Variants in LINGO2 observed in about 807,000 individuals in gnomAD.
LINGO2 encodes leucine-rich repeat and immunoglobulin-like domain-containing nogo receptor-interacting protein 2.
In LINGO2, 14 loss-of-function variants were observed where a neutral mutation model predicts 30.6. The observed-to-expected ratio is 0.46, with a 90% CI of 0.30 to 0.72. The LOEUF is 0.72. LINGO2 is among the 30% of genes least tolerant of loss of function. The pLI, the probability that LINGO2 is intolerant of heterozygous loss-of-function variation, is 0.07. For synonymous variants in LINGO2, 317 were observed against 288.5 expected (o/e 1.10, Z -1.00); for missense variants, 729 against 751.7 (o/e 0.97, Z 0.35).
At chr9:28,438,476 G>A (rs1348201696) in intron 2 of LINGO2, among the ~76,000 whole-genome samples, 4 of 152,066 alleles carry the variant, frequency 2.6e-5, no homozygotes, top group African/African-American at 4.8e-5. Flanking sequence ...TAGATAAGTG[G>A]TCCCACTGGT....
chr9:28,323,265 T>C (rs1825111630), intron 3 of LINGO2, among the ~76,000 whole-genome samples: 1 of 152,194 alleles, frequency 6.6e-6, no homozygotes, highest in Admixed American at 6.5e-5. Flanking sequence ...GTAGGCAAAT[T>C]CTGTGCCTTT....
the LINGO2 span, among the ~76,000 whole-genome samples, chr9:29,084,798 T>G: frequency 2.0e-5 from 3 of 152,058 alleles, no homozygotes; most frequent in Non-Finnish European, 4.4e-5. Context: ...ATGTGATTAT[T>G]TTATTAATGT....
chr9:27,943,881 T>C (rs1203351710), downstream of LINGO2: 1 of 152,124 alleles, frequency 6.6e-6, no homozygotes, highest in East Asian at 1.9e-4. Flanking sequence ...CTCCTTCCTA[T>C]TCAGGATGTT....
At chr9:28,111,349 C>T (rs1424820382) in intron 4 of LINGO2, among the ~76,000 whole-genome samples, 2 of 151,600 alleles carry the variant, frequency 1.3e-5, no homozygotes, top group African/African-American at 4.9e-5. Flanking sequence ...CGCATGTATA[C>T]CTATGTAACA....
chr9:28,943,677 G>A, the LINGO2 span, among the ~76,000 whole-genome samples: 10 of 147,488 alleles, frequency 6.8e-5, no homozygotes, highest in South Asian at 6.6e-4. Flanking sequence ...GTAGCAAAAC[G>A]AATTGAAAAA....
the LINGO2 span, among the ~76,000 whole-genome samples, chr9:29,098,529 G>C: frequency 2.0e-5 from 3 of 151,760 alleles, no homozygotes; most frequent in Non-Finnish European, 4.4e-5. Context: ...TAGAGAAGTA[G>C]ACAAACTTTC....
intron 4 of LINGO2, among the ~76,000 whole-genome samples, chr9:28,277,846 AAAAC>A (rs1823178538): frequency 4.1e-5 from 6 of 146,480 alleles, no homozygotes; most frequent in South Asian, 4.4e-4. Context: ...ACAAAAAAAA[AAAAC>A]AAAAAAAAAA....
intron 1 of LINGO2, among the ~76,000 whole-genome samples, chr9:28,592,305 G>A (rs1824952641): frequency 6.6e-6 from 1 of 151,976 alleles, no homozygotes; most frequent in Admixed American, 6.6e-5. Context: ...AAAAGCCTGC[G>A]GATGTAACTG....
At chr9:29,156,674 T>G in the LINGO2 span, among the ~76,000 whole-genome samples, 1 of 152,212 alleles carries the variant, frequency 6.6e-6, no homozygotes, top group South Asian at 2.1e-4. Context: ...AGGTAACATT[T>G]CATTACTAAC....
At chr9:28,408,739 T>G (rs1197076093) in intron 2 of LINGO2, among the ~76,000 whole-genome samples, 1 of 146,762 alleles carries the variant, frequency 6.8e-6, no homozygotes, top group African/African-American at 2.5e-5. Context: ...CTGCACGTTT[T>G]GCACATGTAC....
At chr9:29,128,437 A>G in the LINGO2 span, among the ~76,000 whole-genome samples, 1 of 152,112 alleles carries the variant, frequency 6.6e-6, no homozygotes, top group Non-Finnish European at 1.5e-5. Flanking sequence ...GAAACACTTG[A>G]TATTCTTTTG....
intron 1 of LINGO2, among the ~76,000 whole-genome samples, chr9:28,519,319 G>A (rs201434663): frequency 6.6e-6 from 1 of 152,086 alleles, no homozygotes; most frequent in East Asian, 1.9e-4. Flanking sequence ...ATAGGTGTGA[G>A]CTACTGCACT....
chr9:28,807,524 C>T, the LINGO2 span, among the ~76,000 whole-genome samples: 17 of 152,208 alleles, frequency 1.1e-4, 1 homozygote, highest in Admixed American at 6.5e-4. Context: ...TTTGGTAGAC[C>T]AATTTCTACC....
chr9:29,183,802 C>G, the LINGO2 span, among the ~76,000 whole-genome samples: 4 of 151,598 alleles, frequency 2.6e-5, no homozygotes, highest in African/African-American at 4.8e-5. Flanking sequence ...TGTAGCATCT[C>G]AACAGAGAAT....
intron 4 of LINGO2, among the ~76,000 whole-genome samples, chr9:28,284,958 A>T (rs1388318782): frequency 1.3e-5 from 2 of 152,188 alleles, no homozygotes; most frequent in African/African-American, 2.4e-5. Context: ...TGTAAGATGG[A>T]AATTGTTGAT....
chr9:28,141,653 A>G (rs1827675086), intron 4 of LINGO2, among the ~76,000 whole-genome samples: 1 of 152,158 alleles, frequency 6.6e-6, no homozygotes, highest in South Asian at 2.1e-4. Context: ...GCGGTGGCTC[A>G]TGCATGTAAT....
chr9:29,060,392 A>T, the LINGO2 span, among the ~76,000 whole-genome samples: 3 of 152,192 alleles, frequency 2.0e-5, no homozygotes, highest in South Asian at 6.2e-4. Flanking sequence ...GCAAAACAGA[A>T]ATTGTGCTCA....
At chr9:28,972,145 T>A in the LINGO2 span, among the ~76,000 whole-genome samples, 5 of 152,250 alleles carry the variant, frequency 3.3e-5, no homozygotes, top group African/African-American at 1.2e-4. Flanking sequence ...CAAGTCCTTA[T>A]GAATATCTGA....
the LINGO2 span, among the ~76,000 whole-genome samples, chr9:29,051,687 G>C: frequency 2.0e-5 from 3 of 151,962 alleles, no homozygotes; most frequent in African/African-American, 4.8e-5. Flanking sequence ...TCTTACATAA[G>C]GCCCGTTAGT....
Sources: allele counts gnomAD v4.1 joint callset (sites outside exome capture counted in the v4.1 genomes callset), GRCh38; gene constraint gnomAD v4.1.1; transcripts MANE v1.5; gene names NCBI Gene and HGNC (gene_info 2026-07-23, HGNC 2026-07-21).